The following TRIOBP variants were observed in gnomAD, a reference collection of about 807,000 sequenced individuals.
The protein encoded by TRIOBP is TRIO and F-actin binding protein.
Under a neutral mutation model 238.8 loss-of-function variants are expected in TRIOBP, and 169 were observed. That is an observed-to-expected ratio of 0.71 (90% confidence interval 0.62 to 0.80). The LOEUF (loss-of-function observed/expected upper bound fraction) is 0.80, where lower values mean the gene tolerates loss of function less well. Among genes scored for constraint, TRIOBP ranks in the 30% least tolerant of loss-of-function variants. The pLI is 0.00. For synonymous variants in TRIOBP, 1,150 were observed against 1,274.4 expected (o/e 0.90, Z 2.08); for missense variants, 2,838 against 3,122.6 (o/e 0.91, Z 2.17).
chr22:37,725,251 C>T lies in TRIOBP; in HGVS notation c.2695C>T (p.Arg899Cys), dbSNP rs183811513. ...CAATCCCAGGAATTCATCTCCCCAT[C>T]GTACTAACAAAGACATCCCCTGGGC... ...WNNPRNSSPH[R>C]TNKDIPWASF... The change falls in exon 7 of 24, where the codon CGT becomes TGT. Residue 899 changes from arginine to cysteine, a missense_variant. Transcript: ENST00000644935. The T allele has an allele frequency of 1.2e-5, 19 of 1,613,932 alleles. No homozygotes were observed. The highest frequency in any genetic ancestry group is 6.7e-5 in the Admixed American group (4 of 59,996).
intron 3 of TRIOBP, among the ~76,000 whole-genome samples, chr22:37,706,059 T>G (rs566554913): frequency 7.9e-5 from 12 of 152,070 alleles, no homozygotes; most frequent in Admixed American, 7.9e-4. Context: ...TGGAGGCAAA[T>G]GGACACATTT....
At chr22:37,764,682 C>T (rs572404076) in intron 17 of TRIOBP, among the ~76,000 whole-genome samples, 6 of 152,320 alleles carry the variant, frequency 3.9e-5, no homozygotes, top group East Asian at 3.9e-4. Flanking sequence ...CAACACACAC[C>T]GTTGTGGCGG....
In TRIOBP at chr22:37,724,485, C is replaced by T. The variant is rs1367078782; in HGVS notation, c.1929C>T (p.Thr643=). Residue 643 remains threonine (T), a synonymous_variant, in exon 7 of 24, where the codon ACC becomes ACT. Transcript: ENST00000644935. ...NPRASSPNRT[T]QQDSPRTSCA... Reference sequence around the variant, plus strand: ...GAGCCTCCTCTCCCAACAGAACCACCCAACAAGACAGCCCCAGAACATCCT... The same window carrying T: ...GAGCCTCCTCTCCCAACAGAACCACTCAACAAGACAGCCCCAGAACATCCT... 6.2e-7 allele frequency: 1 copy of T among 1,610,876 alleles called. No homozygotes were observed. The highest frequency in any genetic ancestry group is 1.7e-5 in the Admixed American group (1 of 59,734).
chr22:37,700,854 G>T (rs571992223), intron 2 of TRIOBP, among the ~76,000 whole-genome samples: 3 of 152,246 alleles, frequency 2.0e-5, no homozygotes, highest in Non-Finnish European at 2.9e-5. Context: ...ATCACACTTG[G>T]CTGATTTTTG....
chr22:37,756,711 C>T (rs1166319365), intron 15 of TRIOBP, among the ~76,000 whole-genome samples: 1 of 152,224 alleles, frequency 6.6e-6, no homozygotes, highest in East Asian at 1.9e-4. Context: ...CACTCGGCAG[C>T]CTATAGTCAC....
At chr22:37,720,722 A>G (rs1479208883) in intron 6 of TRIOBP, among the ~76,000 whole-genome samples, 2 of 152,180 alleles carry the variant, frequency 1.3e-5, no homozygotes, top group Non-Finnish European at 2.9e-5. Context: ...TATGTTGCCC[A>G]GGCTGGTCTC....
chr22:37,761,079 A>G (rs566999162), intron 17 of TRIOBP, among the ~76,000 whole-genome samples: 3 of 152,094 alleles, frequency 2.0e-5, no homozygotes, highest in Non-Finnish European at 4.4e-5. Flanking sequence ...GGGGGCTCTC[A>G]GGAAGGCATT....
chr22:37,759,074 G>T (rs1926101159), intron 16 of TRIOBP, 80 bp from the exon 17 acceptor site: 1 of 1,198,566 alleles, frequency 8.3e-7, no homozygotes, highest in Non-Finnish European at 1.2e-6. Context: ...TGTGGAGCTG[G>T]AAGCCTGCGG....
chr22:37,749,805 A>AT (rs1220132039), intron 11 of TRIOBP, among the ~76,000 whole-genome samples: 13 of 150,600 alleles, frequency 8.6e-5, no homozygotes, highest in African/African-American at 3.2e-4. Flanking sequence ...AAAAAAAAAA[A>AT]TTAGCTGAGC....
chr22:37,719,663 A>G (rs1269204103), intron 6 of TRIOBP, among the ~76,000 whole-genome samples: 1 of 152,064 alleles, frequency 6.6e-6, no homozygotes, highest in Non-Finnish European at 1.5e-5. Context: ...AATGTCTTGC[A>G]CAGAATCACT....
intron 11 of TRIOBP, among the ~76,000 whole-genome samples, chr22:37,743,323 C>T (rs181894981): frequency 2.0e-5 from 3 of 152,334 alleles, no homozygotes; most frequent in South Asian, 2.1e-4. Context: ...CTTGTGTGCC[C>T]TTCTCTGAGC....
chr22:37,745,668 C>T (rs988854186), intron 11 of TRIOBP, among the ~76,000 whole-genome samples: 1 of 152,220 alleles, frequency 6.6e-6, no homozygotes, highest in Admixed American at 6.5e-5. Context: ...TGTGTGACCT[C>T]GGGCAAATCG....
intron 7 of TRIOBP, among the ~76,000 whole-genome samples, chr22:37,732,146 G>A (rs897820506): frequency 6.6e-6 from 1 of 152,186 alleles, no homozygotes; most frequent in African/African-American, 2.4e-5. Context: ...CTTTTGTTGT[G>A]ACCCCTTAGG....
chr22:37,746,261 G>A (rs1925248952), intron 11 of TRIOBP: 11 of 1,089,628 alleles, frequency 1.0e-5, no homozygotes, highest in Non-Finnish European at 1.2e-5. Context: ...AGGGGCCGGG[G>A]CAGCGTCGGG....
chr22:37,737,011 G>A (rs1037278972), intron 9 of TRIOBP, among the ~76,000 whole-genome samples: 12 of 152,158 alleles, frequency 7.9e-5, no homozygotes, highest in African/African-American at 2.9e-4. Context: ...ATTTCCCTGT[G>A]GCTTTGATGA....
Position 37,727,167 on chromosome 22 carries a change from G to A in TRIOBP, c.3947+664G>A, listed in dbSNP as rs188133620. Among the ~76,000 whole-genome samples the A allele has an allele frequency of 9.5e-3, 1,436 of 150,676 alleles. 22 individuals are homozygous for A. The highest frequency in any genetic ancestry group is 0.033 in the African/African-American group (1,380 of 41,214). On this transcript the variant is annotated intron_variant, in intron 7 of 23. Transcript: ENST00000644935. ...CAAGTGATCCACCCGCCTCGGCCTC[G>A]CAAAGTGCTAGGATTACAGGAGTGA...
At chr22:37,762,383 C>T (rs191072899) in intron 17 of TRIOBP, among the ~76,000 whole-genome samples, 39 of 152,300 alleles carry the variant, frequency 2.6e-4, no homozygotes, top group East Asian at 2.5e-3. Flanking sequence ...CCGTTTTACT[C>T]ATAGAGCCAG....
chr22:37,738,721 T>C lies in TRIOBP; in HGVS notation c.5184+2T>C, dbSNP rs1398428640. The C allele has an allele frequency of 6.2e-7, 1 of 1,613,632 alleles. No homozygotes were observed. Among genetic ancestry groups the C allele is most frequent in the Non-Finnish European group, 8.5e-7 (1 of 1,179,834 alleles). On this transcript the variant is annotated splice_donor_variant, in intron 10 of 23. Coordinates refer to ENST00000644935, the MANE Select transcript of TRIOBP (RefSeq NM_001039141.3). LOFTEE classifies it high-confidence loss of function. ...ACTGACCAGAAGCAGGCAGACTCGG[T>C]AGCTGGGTCATGGGTGTGGGTACAT...
intron 2 of TRIOBP, among the ~76,000 whole-genome samples, 197 bp from the exon 3 acceptor site, chr22:37,701,109 T>C (rs1418346855): frequency 6.6e-6 from 1 of 152,180 alleles, no homozygotes; most frequent in African/African-American, 2.4e-5. Flanking sequence ...GCAGAGTGCC[T>C]GGTGCTTAGT....
Sources: gnomAD v4.1 joint callset for allele counts (sites outside exome capture counted in the v4.1 genomes callset) on GRCh38, gnomAD v4.1.1 for gene constraint, MANE v1.5 for transcripts, NCBI Gene and HGNC (gene_info 2026-07-23, HGNC 2026-07-21) for gene names.